Variants in TRPV6 observed in about 807,000 individuals in gnomAD.
TRPV6 encodes Alu-binding protein with zinc finger domain.
TRPV6 carries 39 observed loss-of-function variants against 79.0 expected under a neutral mutation model. That is an observed-to-expected ratio of 0.49 (90% CI 0.38 to 0.64). The LOEUF (loss-of-function observed/expected upper bound fraction) is 0.64. Ranked by LOEUF, TRPV6 falls within the 30% of genes least tolerant of loss-of-function variation. TRPV6 has a pLI of 0.00. For missense variants in TRPV6, 813 were observed against 1,011.1 expected (o/e 0.80, Z 2.66); for synonymous variants, 373 against 391.9 (o/e 0.95, Z 0.57).
chr7:142,871,729 T>C lies in TRPV6; in HGVS notation c.2276A>G (p.Glu759Gly), dbSNP rs755163484. Residue 759 changes from glutamate to glycine, a missense_variant, in exon 15 of 15, where the codon GAG (glutamate) becomes GGG (glycine). Physicochemically the swap from Glu to Gly is moderately conservative, Grantham distance 98. Transcript: ENST00000359396. ...CAGTCAGATCTGATATTCCCAGCTC[T>C]CCCCGTCCTCCAGACCCCTGTTGAT... 3.1e-6 allele frequency: 5 copies of C among 1,606,072 alleles called. No individual in the cohort carries two copies. Among genetic ancestry groups the C allele is most frequent in the Middle Eastern group, 3.3e-4 (2 of 6,028 alleles).
rs371406007 is a variant in TRPV6 at position 142,875,796 on chromosome 7, A to C, written c.991T>G (p.Ser331Ala). Residue 331 changes from serine to alanine, a missense_variant, in exon 7 of 15, where the codon TCC (serine) becomes GCC (alanine). By Grantham distance (99) the Ser-to-Ala change is moderately conservative. Around this residue, in one of 3 missense-constraint regions of TRPV6, gnomAD observed 555 missense variants for 631.0 expected, o/e 0.88. Coordinates refer to ENST00000359396, the MANE Select transcript of TRPV6 (RefSeq NM_018646.6). The stretch of plus-strand genomic sequence containing the variant: ...GTGGTGATGATAAGTTCCAGCAGGG[A>C]CTGCTCATCCCCTGAGGAGTCGATC... 3.7e-6 allele frequency: 6 copies of C among 1,610,808 alleles called. No homozygotes were observed. In the African/African-American group the frequency reaches 8.0e-5, roughly 22 times the overall value.
At chr7:142,876,186 A>G (rs1279376595) in intron 6 of TRPV6, 8 of 761,614 alleles carry the variant, frequency 1.1e-5, no homozygotes, top group Admixed American at 2.9e-5. Flanking sequence ...ATTACAGACA[A>G]TCCTAGCATG....
Position 142,873,734 on chromosome 7 carries a change from G to T in TRPV6, c.1640-18C>A. The T allele has an allele frequency of 6.2e-7, 1 of 1,611,850 alleles. No homozygotes were observed. Among genetic ancestry groups the T allele is most frequent in the East Asian group, 2.2e-5 (1 of 44,838 alleles). ...ATAGAAGGCTGCTCCACCCAAGGGGGTGAGGGTTACCATGGCAACCATGCA... is the reference window on the plus strand; with the variant it reads ...ATAGAAGGCTGCTCCACCCAAGGGGTTGAGGGTTACCATGGCAACCATGCA... On this transcript the variant is annotated intron_variant, in intron 12 of 14. Coordinates refer to ENST00000359396, the MANE Select transcript of TRPV6 (RefSeq NM_018646.6). This position sits in a 1 kb window ranked among gnomAD's most constrained non-coding sequence, Gnocchi z 4.8.
rs200411777 is a variant in TRPV6 at position 142,873,390 on chromosome 7, G to T, written c.1908+58C>A. 3.1e-6 allele frequency: 5 copies of T among 1,595,640 alleles called. No homozygotes were observed. The highest frequency in any genetic ancestry group is 2.0e-4 in the Middle Eastern group (1 of 5,066). On this transcript the variant is annotated intron_variant, in intron 13 of 14. Coordinates refer to ENST00000359396, the MANE Select transcript of TRPV6 (RefSeq NM_018646.6). The surrounding 1 kb of genome is among the most constrained non-coding windows in gnomAD (Gnocchi z 4.8). The stretch of plus-strand genomic sequence containing the variant: ...GATATCCTGTCTCTCAGCTTGGCAG[G>T]TTCCTTGGTAGGAAGGGGATGACTT...
chr7:142,875,365 T>G, intron 8 of TRPV6, 103 bp downstream of exon 8: 3 of 1,352,228 alleles, frequency 2.2e-6, no homozygotes, highest in Non-Finnish European at 2.0e-6. Flanking sequence ...ATATTTGAGA[T>G]TAGAGCAAGG....
Position 142,873,337 on chromosome 7 carries a change from A to G in TRPV6, c.1908+111T>C, listed in dbSNP as rs1043688609. The G allele has an allele frequency of 1.4e-6, 2 of 1,472,324 alleles. No homozygotes were observed. Among genetic ancestry groups the G allele is most frequent in the Non-Finnish European group, 1.8e-6 (2 of 1,085,144 alleles). 91.2% of individuals were successfully genotyped at this position (1,472,324 alleles called of 1,614,324 possible). On this transcript the variant is annotated intron_variant, in intron 13 of 14. Coordinates refer to ENST00000359396, the MANE Select transcript of TRPV6 (RefSeq NM_018646.6). The surrounding 1 kb of genome is among the most constrained non-coding windows in gnomAD (Gnocchi z 4.8). ...TTTGCATGATTTTGCTAGCTTTGCC[A>G]CAACTGTCCAAACATAAGTGGGGTG...
chr7:142,876,180 C>G (rs1795063941), intron 6 of TRPV6: 6 of 745,070 alleles, frequency 8.1e-6, no homozygotes, highest in Admixed American at 5.9e-5. Flanking sequence ...TGGGGCATTA[C>G]AGACAATCCT....
chr7:142,879,506 T>C (rs1279398040), intron 1 of TRPV6: 1 of 152,228 alleles, frequency 6.6e-6, no homozygotes, highest in Non-Finnish European at 1.5e-5. Context: ...TTGACAATTA[T>C]GTGACATACA....
In TRPV6 at chr7:142,873,219, AC is replaced by A. The variant is rs1794981849; in HGVS notation, c.1908+228del. 6.6e-6 allele frequency among the ~76,000 whole-genome samples: 1 copy of A among 151,594 alleles called. No individual in the cohort carries two copies. Among genetic ancestry groups the A allele is most frequent in the South Asian group, 2.1e-4 (1 of 4,830 alleles). On this transcript the variant is annotated intron_variant, in intron 13 of 14. Coordinates refer to ENST00000359396, the MANE Select transcript of TRPV6 (RefSeq NM_018646.6). This position sits in a 1 kb window ranked among gnomAD's most constrained non-coding sequence, Gnocchi z 4.8. The stretch of plus-strand genomic sequence containing the variant: ...TTTCTTGTTGATTCCTCTAGAAAAC[AC>A]TGAGCTTTTAACTGTTGAGAAAACT...
Position 142,871,817 on chromosome 7 carries a change from G to T in TRPV6, c.2188C>A (p.Arg730Ser). 1 of 1,614,158 alleles carries T rather than the reference G, an allele frequency of 6.2e-7. No homozygotes were observed. Among genetic ancestry groups the T allele is most frequent in the Non-Finnish European group, 8.5e-7 (1 of 1,180,026 alleles). ...AGCCTTTCCCAATTGGCACTGCTGC[G>T]GGAGGTACTTCGAGACACTGAGGGC... is the stretch of plus-strand genomic sequence containing the variant. The change falls in exon 15 of 15, where the codon CGC becomes AGC. Residue 730 changes from arginine (R) to serine (S), a missense_variant. This residue lies in a region of TRPV6 where 164 missense variants were observed against 186.1 expected (regional missense o/e 0.88). Coordinates refer to ENST00000359396, the MANE Select transcript of TRPV6 (RefSeq NM_018646.6).
At chr7:142,876,262 A>G (rs1337518997) in intron 6 of TRPV6, 146 bp downstream of exon 6, 6 of 1,207,306 alleles carry the variant, frequency 5.0e-6, no homozygotes, top group Non-Finnish European at 6.9e-6. Flanking sequence ...GGAACAGGTA[A>G]CCACAGTGGG....
At chr7:142,878,060 G>C in intron 1 of TRPV6, 34 bp from the exon 2 acceptor site, 1 of 1,571,200 alleles carries the variant, frequency 6.4e-7, no homozygotes, top group South Asian at 1.1e-5. Context: ...GCTGGAAACA[G>C]TGAGCATACC....
Position 142,876,038 on chromosome 7 carries a change from A to G in TRPV6, c.883-134T>C, listed in dbSNP as rs1586188950. The stretch of plus-strand genomic sequence containing the variant: ...CTTTCATTTTGATGACAGCCTTTAG[A>G]GGGCAGAAGAACCCACATTCACAGT... On this transcript the variant is annotated intron_variant, in intron 6 of 14. Transcript: ENST00000359396. 6.2e-6 allele frequency: 6 copies of G among 972,368 alleles called. No individual in the cohort carries two copies. The East Asian group carries it at 1.5e-4, about 24-fold the overall frequency. 60.2% of individuals were successfully genotyped at this position (972,368 alleles called of 1,614,324 possible). A position where few individuals can be genotyped will look rare whatever the true frequency, so the allele number is the denominator to read the frequency against.
intron 1 of TRPV6, chr7:142,881,732 A>G (rs1795195885): frequency 6.6e-6 from 1 of 152,234 alleles, no homozygotes; most frequent in South Asian, 2.1e-4. Context: ...TTATTTCTTG[A>G]GCAAACAGAT....
intron 1 of TRPV6, chr7:142,879,158 A>T (rs2116525224): frequency 6.6e-6 from 1 of 152,342 alleles, no homozygotes; most frequent in East Asian, 1.9e-4. Flanking sequence ...AATCTAGAGG[A>T]TTCATTCATC....
At chr7:142,874,226 C>G (rs1795005512) in intron 11 of TRPV6, 84 bp from the exon 12 acceptor site, 2 of 1,439,698 alleles carry the variant, frequency 1.4e-6, no homozygotes, top group African/African-American at 2.8e-5. Flanking sequence ...CTCACCCCGA[C>G]AAGTCTCACA....
intron 1 of TRPV6, 46 bp downstream of exon 1, chr7:142,885,343 G>A: frequency 6.4e-7 from 1 of 1,565,708 alleles, no homozygotes; most frequent in Non-Finnish European, 8.7e-7. Context: ...GGGTAGAGGT[G>A]CAGGCCTGGG....
rs752468639 is a variant in TRPV6 at position 142,874,972 on chromosome 7, G to A, written c.1338C>T (p.Asp446=). The stretch of plus-strand genomic sequence containing the variant: ...AGCGAGTGACCCCCATTCTGAAGAT[G>A]TCTGGAACCTGAAGAGGTCAGGGAG... Residue 446 remains aspartate (D), a synonymous_variant, in exon 10 of 15, where the codon GAC becomes GAT. Coordinates refer to ENST00000359396, the MANE Select transcript of TRPV6 (RefSeq NM_018646.6). 1.1e-5 allele frequency: 17 copies of A among 1,613,998 alleles called. No individual in the cohort carries two copies. The highest frequency in any genetic ancestry group is 1.4e-5 in the Non-Finnish European group (17 of 1,180,030).
rs1794980905 is a variant in TRPV6, at chr7:142,873,150, G to A, written c.1908+298C>T. 6.6e-6 allele frequency among the ~76,000 whole-genome samples: 1 copy of A among 152,162 alleles called. No homozygotes were observed. Among genetic ancestry groups the A allele is most frequent in the Non-Finnish European group, 1.5e-5 (1 of 68,028 alleles). The stretch of plus-strand genomic sequence containing the variant: ...TCCAGTTTTTATTTGGGAACAAAAT[G>A]TACTGAGTGCAATTTTAGCCAACGT... On this transcript the variant is annotated intron_variant, in intron 13 of 14. Coordinates refer to ENST00000359396, the MANE Select transcript of TRPV6 (RefSeq NM_018646.6). This position sits in a 1 kb window ranked among gnomAD's most constrained non-coding sequence, Gnocchi z 4.8.
Sources: gnomAD v4.1 joint callset for allele counts (sites outside exome capture counted in the v4.1 genomes callset) on GRCh38, gnomAD v4.1.1 for gene constraint, gnomAD v4.1.1 regional missense constraint, Gnocchi (gnomAD v3.1) non-coding constraint, MANE v1.5 for transcripts, NCBI Gene and HGNC (gene_info 2026-07-23, HGNC 2026-07-21) for gene names.